The following MATCAP1 variants were observed in gnomAD, a reference collection of about 807,000 sequenced individuals.
MATCAP1 encodes microtubule-associated tyrosine carboxypeptidase 1.
At chr16:67,178,584 ATCTGGCCGGGGC>A in the MATCAP1 span, 2 of 1,293,818 alleles carry the variant, frequency 1.5e-6, no homozygotes, top group Non-Finnish European at 2.2e-6. Context: ...GCCCTGTTCC[ATCTGGCCGGGGC>A]TCTGGCCGCG....
At chr16:67,180,092 G>C in the MATCAP1 span, 10 of 1,614,192 alleles carry the variant, frequency 6.2e-6, no homozygotes, top group East Asian at 8.9e-5. Flanking sequence ...GCACAGCCGT[G>C]GGCATGGGCT....
the MATCAP1 span, chr16:67,180,294 C>T: frequency 9.9e-6 from 16 of 1,612,260 alleles, no homozygotes; most frequent in East Asian, 1.1e-4. Flanking sequence ...ACCTGGGTTC[C>T]GTCCCCGTCC....
chr16:67,179,154 C>T, the MATCAP1 span: 32 of 1,262,676 alleles, frequency 2.5e-5, no homozygotes, highest in Admixed American at 1.1e-4. This position sits in a 1 kb window ranked among gnomAD's most constrained non-coding sequence, Gnocchi z 5.2. Context: ...CAGCCTTGCC[C>T]GCACTGTTGG....
the MATCAP1 span, chr16:67,178,685 C>T: frequency 1.4e-6 from 1 of 715,438 alleles, no homozygotes; most frequent in Non-Finnish European, 2.5e-6. Flanking sequence ...GCTCCTCCTC[C>T]TGTGGACTCG....
chr16:67,179,874 T>C, the MATCAP1 span: 1 of 1,614,214 alleles, frequency 6.2e-7, no homozygotes, highest in Non-Finnish European at 8.5e-7. The surrounding 1 kb of genome is among the most constrained non-coding windows in gnomAD (Gnocchi z 5.2). Context: ...ATCTGGCACT[T>C]GGTGAGCAGC....
chr16:67,179,502 G>T, the MATCAP1 span: 1 of 1,613,124 alleles, frequency 6.2e-7, no homozygotes, highest in Non-Finnish European at 8.5e-7. This position sits in a 1 kb window ranked among gnomAD's most constrained non-coding sequence, Gnocchi z 5.2. Context: ...AATGTGGGCC[G>T]GCTGTTCTCC....
chr16:67,179,694 C>T, the MATCAP1 span: 2 of 1,507,258 alleles, frequency 1.3e-6, no homozygotes, highest in Non-Finnish European at 1.8e-6. The surrounding 1 kb of genome is among the most constrained non-coding windows in gnomAD (Gnocchi z 5.2). Flanking sequence ...CTGCTCAGAA[C>T]CAGCTCCCAC....
At chr16:67,176,164 T>G in the MATCAP1 span, 1 of 150,760 alleles carries the variant, frequency 6.6e-6, no homozygotes, top group Non-Finnish European at 1.4e-5. This position sits in a 1 kb window ranked among gnomAD's most constrained non-coding sequence, Gnocchi z 4.3. Context: ...CAAGAAGGAG[T>G]GTCCTGTCCA....
At chr16:67,180,181 G>A in the MATCAP1 span, 4 of 1,614,178 alleles carry the variant, frequency 2.5e-6, no homozygotes, top group Middle Eastern at 3.3e-4. Flanking sequence ...TTGGTTGGCC[G>A]CAGGGCCACC....
At chr16:67,180,493 G>A in the MATCAP1 span, 1 of 1,592,506 alleles carries the variant, frequency 6.3e-7, no homozygotes, top group East Asian at 2.2e-5. Flanking sequence ...TGAGACCAGG[G>A]GTACAGTGGT....
At chr16:67,177,057 C>T in the MATCAP1 span, 2 of 1,303,260 alleles carry the variant, frequency 1.5e-6, no homozygotes, top group Non-Finnish European at 1.0e-6. Context: ...GCTTACAGCT[C>T]ACAGCCTTTG....
the MATCAP1 span, chr16:67,178,666 C>T: frequency 2.7e-6 from 2 of 736,590 alleles, no homozygotes; most frequent in Non-Finnish European, 4.8e-6. Context: ...CAGCCCCAGG[C>T]AGCGTGAAGC....
the MATCAP1 span, chr16:67,178,335 G>T: frequency 1.9e-6 from 3 of 1,580,662 alleles, no homozygotes; most frequent in Non-Finnish European, 2.6e-6. Flanking sequence ...GGATGGTGTA[G>T]TAGAGCAGTG....
chr16:67,182,310 C>G, the MATCAP1 span, among the ~76,000 whole-genome samples: 5 of 151,698 alleles, frequency 3.3e-5, no homozygotes, highest in African/African-American at 1.2e-4. Flanking sequence ...ACTTGGTTTT[C>G]CAAACACAGT....
chr16:67,183,748 G>C, the MATCAP1 span: 1 of 159,600 alleles, frequency 6.3e-6, no homozygotes, highest in Non-Finnish European at 1.4e-5. Flanking sequence ...GGTGAAGGGC[G>C]TGCCCAATGG....
At chr16:67,180,437 C>T in the MATCAP1 span, 1 of 1,611,174 alleles carries the variant, frequency 6.2e-7, no homozygotes, top group Non-Finnish European at 8.5e-7. Context: ...CAGGCTGGGG[C>T]TGCAGCGCTG....
At chr16:67,177,411 G>A in the MATCAP1 span, among the ~76,000 whole-genome samples, 3 of 152,158 alleles carry the variant, frequency 2.0e-5, no homozygotes, top group Non-Finnish European at 4.4e-5. Flanking sequence ...CAGGGTAGCC[G>A]CTGAGTTAAA....
the MATCAP1 span, among the ~76,000 whole-genome samples, chr16:67,177,797 A>C: frequency 6.6e-6 from 1 of 152,116 alleles, no homozygotes; most frequent in Non-Finnish European, 1.5e-5. Context: ...ATCTCCTTTG[A>C]GATGCAGTAT....
At chr16:67,177,658 C>G in the MATCAP1 span, among the ~76,000 whole-genome samples, 1 of 152,182 alleles carries the variant, frequency 6.6e-6, no homozygotes, top group Admixed American at 6.5e-5. Flanking sequence ...CTCTCACTCC[C>G]CGTTGCTTCA....
Sources: allele counts gnomAD v4.1 joint callset (sites outside exome capture counted in the v4.1 genomes callset), GRCh38; gene constraint gnomAD v4.1.1; non-coding constraint Gnocchi (gnomAD v3.1); transcripts MANE v1.5; gene names NCBI Gene and HGNC (gene_info 2026-07-23, HGNC 2026-07-21).